Variants in MEIOB observed in about 807,000 individuals in gnomAD.
MEIOB encodes meiosis-specific with OB domain-containing protein.
In MEIOB, 50 loss-of-function variants were observed where a neutral mutation model predicts 53.1. The observed-to-expected ratio is 0.94, with a 90% confidence interval of 0.75 to 1.19. The LOEUF is 1.19. MEIOB is among the 50% of genes most tolerant of loss of function. The probability of loss-of-function intolerance (pLI) is 0.00; values close to 1 mark genes in which losing one functional copy is unlikely to be tolerated. For synonymous variants in MEIOB, 192 were observed against 182.5 expected (o/e 1.05, Z -0.42); for missense variants, 551 against 550.8 (o/e 1.00, Z 0.00).
At chr16:1,860,566 A>T in intron 4 of MEIOB, 91 bp from the exon 5 acceptor site, 1 of 744,278 alleles carries the variant, frequency 1.3e-6, no homozygotes, top group Non-Finnish European at 2.3e-6. Context: ...ATTTATGATC[A>T]TCATCGACTC....
intron 13 of MEIOB, among the ~76,000 whole-genome samples, chr16:1,835,599 C>G (rs1474239433): frequency 2.0e-5 from 3 of 152,144 alleles, no homozygotes; most frequent in African/African-American, 7.2e-5. Context: ...TTGTGGTAGT[C>G]TGACATTGGC....
At chr16:1,868,313 T>C (rs1899645728) in intron 1 of MEIOB, 129 bp from the exon 2 acceptor site, 1 of 471,396 alleles carries the variant, frequency 2.1e-6, no homozygotes, top group Non-Finnish European at 3.9e-6. Context: ...TCCCAGCACT[T>C]TGGGAGGCTG....
chr16:1,869,352 T>A (rs1168362878), intron 1 of MEIOB, among the ~76,000 whole-genome samples: 4 of 152,074 alleles, frequency 2.6e-5, no homozygotes, highest in African/African-American at 9.7e-5. Context: ...CTTGAACTCC[T>A]GATCTCAAGT....
rs114592211 is a variant in MEIOB, at chr16:1,843,964, T to A, written c.880+898A>T. On this transcript the variant is annotated intron_variant, in intron 10 of 13. Transcript: ENST00000325962. ...TTTGTTGATGTCTAGTGCATGAAAT[T>A]TAATTTTCTTCAATAAAAAGATGGT... is the stretch of plus-strand genomic sequence containing the variant. Among the ~76,000 whole-genome samples the A allele has an allele frequency of 8.8e-3, 1,346 of 152,180 alleles. 17 individuals carry two copies. The highest frequency in any genetic ancestry group is 0.032 in the African/African-American group (1,312 of 41,532).
At chr16:1,844,119 TTTC>T (rs1296997266) in intron 10 of MEIOB, among the ~76,000 whole-genome samples, 3 of 148,164 alleles carry the variant, frequency 2.0e-5, no homozygotes, top group Non-Finnish European at 4.5e-5. Context: ...CTGTATTATG[TTTC>T]TTTTTTTTTT....
chr16:1,862,042 A>G lies in MEIOB; in HGVS notation c.202T>C (p.Trp68Arg). The G allele has an allele frequency of 6.4e-7, 1 of 1,551,462 alleles. No homozygotes were observed. Among genetic ancestry groups the G allele is most frequent in the Non-Finnish European group, 8.7e-7 (1 of 1,146,806 alleles). ...GACTTGATGTAATCTTCATTGCCCC[A>G]GGAAGCTGCATTTACAAAATGTGCT... ...SPAHFVNAAS[W>R]GNEDYIKSLS... Residue 68 changes from tryptophan (W) to arginine (R), a missense_variant, in exon 4 of 14, where the codon TGG becomes CGG. Physicochemically the swap from Trp to Arg is moderately radical, Grantham distance 101. Transcript: ENST00000325962.
At chr16:1,837,679 G>C in intron 13 of MEIOB, 105 bp downstream of exon 13, 1 of 597,224 alleles carries the variant, frequency 1.7e-6, no homozygotes, top group South Asian at 3.0e-5. Context: ...TGGGAACTGG[G>C]CATTAGAAAT....
rs1325607644 is a variant in MEIOB at position 1,862,116 on chromosome 16, T to C, written c.128A>G (p.Asn43Ser). ...TDVKGFPDRK[N>S]IGSERYTFSF... ...GAAAGTGTACCTTTCTGATCCAATA[T>C]CTAAGGGAAAACCAATGCTTTTATT... Residue 43 changes from asparagine to serine, a missense_variant and splice_region_variant, in exon 4 of 14, where the codon AAT becomes AGT. By Grantham distance (46) the Asn-to-Ser change is conservative (BLOSUM62 1). Coordinates refer to ENST00000325962, the MANE Select transcript of MEIOB (RefSeq NM_001163560.3). The C allele has an allele frequency of 5.8e-6, 9 of 1,548,912 alleles. No homozygotes were observed. The South Asian group carries it at 9.6e-5, about 17-fold the overall frequency.
chr16:1,860,265 A>G, intron 5 of MEIOB, 138 bp downstream of exon 5: 1 of 509,802 alleles, frequency 2.0e-6, no homozygotes, highest in Non-Finnish European at 3.4e-6. Flanking sequence ...TCAAAGATGA[A>G]TTTTGTAAGA....
At position 1,841,703 on chromosome 16, in the gene MEIOB, C is replaced by T. The variant is rs1596966000; in HGVS notation, c.1034+117G>A. 3.4e-5 allele frequency: 21 copies of T among 626,846 alleles called. No homozygotes were observed. In the East Asian group the frequency reaches 6.4e-4, roughly 19 times the overall value. 38.8% of individuals were successfully genotyped at this position (626,846 alleles called of 1,614,324 possible). Reference sequence around the variant, plus strand: ...GTACAGTTTTTTACACATTTATCTCCAATACATAACCCCTGTTACATCAAC... The same window carrying T: ...GTACAGTTTTTTACACATTTATCTCTAATACATAACCCCTGTTACATCAAC... On this transcript the variant is annotated intron_variant, in intron 11 of 13. Transcript: ENST00000325962.
chr16:1,855,453 A>AT, intron 6 of MEIOB, among the ~76,000 whole-genome samples: 1 of 152,246 alleles, frequency 6.6e-6, no homozygotes, highest in Non-Finnish European at 1.5e-5. Flanking sequence ...AGAAAAAAAA[A>AT]GTATGAAGAA....
chr16:1,852,563 T>C (rs1899200107), intron 9 of MEIOB, among the ~76,000 whole-genome samples: 2 of 141,062 alleles, frequency 1.4e-5, no homozygotes, highest in South Asian at 2.2e-4. Flanking sequence ...GCCAGCCTTG[T>C]TTTTTTTTTA....
chr16:1,859,160 A>T (rs1899381006), intron 5 of MEIOB, among the ~76,000 whole-genome samples: 1 of 152,272 alleles, frequency 6.6e-6, no homozygotes, highest in Admixed American at 6.5e-5. Flanking sequence ...AGGTTGAAGA[A>T]GATGACATTT....
chr16:1,868,632 G>A (rs1042598131), intron 1 of MEIOB, among the ~76,000 whole-genome samples: 1 of 152,062 alleles, frequency 6.6e-6, no homozygotes, highest in Non-Finnish European at 1.5e-5. Flanking sequence ...GAGGAGGGCG[G>A]ATCACAGGGT....
In MEIOB at chr16:1,840,886, A is replaced by AT. The variant is rs911343116; in HGVS notation, c.1034+933dup. On this transcript the variant is annotated intron_variant, in intron 11 of 13. Transcript: ENST00000325962. ...TCTTATACATCCATGTGAATCTAGG[A>AT]TTATCTCAATGAAAATTCAGTTATA... 53 of 151,864 alleles carry AT rather than the reference A, an allele frequency of 3.5e-4. 1 individual carries two copies. Among genetic ancestry groups the AT allele is most frequent in the African/African-American group, 1.2e-3 (51 of 41,464 alleles). The allele number at this position is 151,864 out of a possible 1,614,324, so 9.4% of individuals were successfully genotyped here. A position where few individuals can be genotyped will look rare whatever the true frequency, so the allele number is the denominator to read the frequency against.
chr16:1,838,001 T>G, intron 12 of MEIOB, 131 bp from the exon 13 acceptor site: 2 of 1,440,550 alleles, frequency 1.4e-6, no homozygotes, highest in South Asian at 3.1e-5. Flanking sequence ...CTCAATCGTT[T>G]GTTTTTGTTT....
At chr16:1,847,179 G>A (rs752130783) in intron 9 of MEIOB, among the ~76,000 whole-genome samples, 1 of 150,936 alleles carries the variant, frequency 6.6e-6, no homozygotes, top group Non-Finnish European at 1.5e-5. Flanking sequence ...AGCTATTTTT[G>A]GGCCGGGCGC....
At chr16:1,849,184 GC>G (rs1389988564) in intron 9 of MEIOB, among the ~76,000 whole-genome samples, 1 of 152,068 alleles carries the variant, frequency 6.6e-6, no homozygotes, top group East Asian at 1.9e-4. Flanking sequence ...ACTTTGGGAG[GC>G]CAAGGTGGGT....
At chr16:1,849,425 C>T (rs906748313) in intron 9 of MEIOB, among the ~76,000 whole-genome samples, 2 of 151,552 alleles carry the variant, frequency 1.3e-5, no homozygotes, top group South Asian at 4.2e-4. Flanking sequence ...GGGCACCTGT[C>T]GTCCCAGCTA....
Sources: allele counts gnomAD v4.1 joint callset (sites outside exome capture counted in the v4.1 genomes callset), GRCh38; gene constraint gnomAD v4.1.1; transcripts MANE v1.5; gene names NCBI Gene and HGNC (gene_info 2026-07-23, HGNC 2026-07-21).